The following NTM variants were observed in gnomAD, a reference collection of about 807,000 sequenced individuals.
The protein encoded by NTM is IgLON family member 2.
A neutral mutation model predicts 42.1 loss-of-function variants in NTM; 13 were observed. That is an observed-to-expected ratio of 0.31 (90% CI 0.20 to 0.49). The LOEUF is 0.49. NTM is among the 20% of genes least tolerant of loss of function. The pLI is 0.99. For missense variants in NTM, 373 were observed against 452.8 expected (o/e 0.82, Z 1.60); for synonymous variants, 187 against 179.2 (o/e 1.04, Z -0.35).
intron 2 of NTM, among the ~76,000 whole-genome samples, chr11:132,057,235 T>C (rs1338901711): frequency 2.0e-5 from 3 of 151,892 alleles, no homozygotes; most frequent in Admixed American, 2.0e-4. Flanking sequence ...ATGCAGTAAA[T>C]ATTGTCAGAG....
chr11:131,862,385 A>G (rs145327869), intron 1 of NTM, among the ~76,000 whole-genome samples: 1 of 152,132 alleles, frequency 6.6e-6, no homozygotes, highest in African/African-American at 2.4e-5. Flanking sequence ...GAAGGCTTCA[A>G]CAGAACTGAG....
chr11:132,275,701 T>TATATATATATGTATATATATAC (rs1491547658), intron 4 of NTM, among the ~76,000 whole-genome samples: 15 of 115,550 alleles, frequency 1.3e-4, no homozygotes, highest in Admixed American at 4.3e-4. Flanking sequence ...TATATATATA[T>TATATATATATGTATATATATAC]GTATATATAT....
At chr11:131,489,270 AGCTT>A (rs1204633281) in intron 1 of NTM, among the ~76,000 whole-genome samples, 1 of 151,978 alleles carries the variant, frequency 6.6e-6, no homozygotes, top group Non-Finnish European at 1.5e-5. Context: ...TAACTTTCTC[AGCTT>A]GCTTTTTTCC....
At chr11:131,918,180 C>T (rs958518942) in intron 2 of NTM, among the ~76,000 whole-genome samples, 1 of 152,080 alleles carries the variant, frequency 6.6e-6, no homozygotes, top group Non-Finnish European at 1.5e-5. Flanking sequence ...GTGAGAGGGC[C>T]GGCAGCCAGT....
chr11:131,588,249 C>T (rs1186669427), intron 1 of NTM, among the ~76,000 whole-genome samples: 2 of 152,248 alleles, frequency 1.3e-5, no homozygotes, highest in Admixed American at 1.3e-4. Context: ...CAGGCGTCTG[C>T]ACAGGGCTTC....
intron 1 of NTM, among the ~76,000 whole-genome samples, chr11:131,811,549 C>T (rs951970697): frequency 3.9e-5 from 6 of 152,170 alleles, no homozygotes; most frequent in African/African-American, 1.4e-4. Flanking sequence ...TTAATCACCG[C>T]ATGCAGGGAG....
intron 1 of NTM, among the ~76,000 whole-genome samples, chr11:131,459,472 C>G (rs998397181): frequency 2.0e-5 from 3 of 151,974 alleles, no homozygotes; most frequent in African/African-American, 7.3e-5. Context: ...TTTCAACTTA[C>G]ACATTGCCAG....
chr11:131,613,144 A>G (rs573042768), intron 1 of NTM, among the ~76,000 whole-genome samples: 2 of 151,930 alleles, frequency 1.3e-5, no homozygotes, highest in Admixed American at 6.5e-5. Flanking sequence ...CATCTAGCAC[A>G]CTTCTTGCAG....
At chr11:131,536,185 G>A (rs2052178738) in intron 1 of NTM, 4 of 152,206 alleles carry the variant, frequency 2.6e-5, no homozygotes, top group Admixed American at 2.0e-4. Context: ...CAGAAGAGAT[G>A]GGCAGGGGTA....
At chr11:132,314,042 A>G (rs2095356969) in intron 6 of NTM, among the ~76,000 whole-genome samples, 1 of 151,320 alleles carries the variant, frequency 6.6e-6, no homozygotes, top group African/African-American at 2.5e-5. Context: ...TTATCTATAC[A>G]ATGCAATGCT....
At chr11:131,378,535 T>A (rs1050316560) in intron 1 of NTM, among the ~76,000 whole-genome samples, 1 of 152,230 alleles carries the variant, frequency 6.6e-6, no homozygotes, top group African/African-American at 2.4e-5. Context: ...TATGATGTTG[T>A]GTATTCATAT....
chr11:131,957,182 T>A (rs2061644361), intron 2 of NTM, among the ~76,000 whole-genome samples: 1 of 152,256 alleles, frequency 6.6e-6, no homozygotes. Context: ...ATATTACAGC[T>A]GTCTTACTTC....
chr11:132,225,741 T>C (rs1201717579), intron 4 of NTM, among the ~76,000 whole-genome samples: 1 of 152,202 alleles, frequency 6.6e-6, no homozygotes, highest in African/African-American at 2.4e-5. Flanking sequence ...CTTTAAGTTC[T>C]GGGATACGTG....
At chr11:131,894,651 C>A (rs1260467158) in intron 1 of NTM, among the ~76,000 whole-genome samples, 1 of 152,140 alleles carries the variant, frequency 6.6e-6, no homozygotes, top group South Asian at 2.1e-4. Context: ...CAGTGACCAA[C>A]TGGCTGTCCA....
intron 2 of NTM, among the ~76,000 whole-genome samples, chr11:132,034,052 C>T (rs1170620119): frequency 6.6e-6 from 1 of 152,150 alleles, no homozygotes; most frequent in East Asian, 1.9e-4. Flanking sequence ...TTAACTTGGA[C>T]ACTTTTTTGA....
chr11:131,552,247 T>C (rs1003670447), intron 1 of NTM, among the ~76,000 whole-genome samples: 1 of 152,148 alleles, frequency 6.6e-6, no homozygotes, highest in Non-Finnish European at 1.5e-5. Context: ...GATAACGACG[T>C]CATGTCATGG....
chr11:131,872,516 C>G (rs1010158498), intron 1 of NTM, among the ~76,000 whole-genome samples: 4 of 152,192 alleles, frequency 2.6e-5, no homozygotes, highest in African/African-American at 9.7e-5. Context: ...CATTACCAAA[C>G]AGTTACCTAT....
intron 1 of NTM, among the ~76,000 whole-genome samples, chr11:131,730,719 T>TAAAAAAAAAAAAAAAAAAA (rs2079541594): frequency 2.8e-5 from 3 of 108,774 alleles, no homozygotes; most frequent in Non-Finnish European, 4.1e-5. Context: ...CCCTATCTGT[T>TAAAAAAAAAAAAAAAAAAA]AAAAGAAGAA....
At chr11:131,620,192 T>A (rs2062382463) in intron 1 of NTM, among the ~76,000 whole-genome samples, 1 of 152,176 alleles carries the variant, frequency 6.6e-6, no homozygotes, top group South Asian at 2.1e-4. Flanking sequence ...GTTCTATGAC[T>A]CTAAGTTTGA....
Sources: gnomAD v4.1 joint callset for allele counts (sites outside exome capture counted in the v4.1 genomes callset) on GRCh38, gnomAD v4.1.1 for gene constraint, MANE v1.5 for transcripts, NCBI Gene and HGNC (gene_info 2026-07-23, HGNC 2026-07-21) for gene names.